Variants in RPA3 observed in about 807,000 individuals in gnomAD.
RPA3 encodes the protein replication protein A3, also known as replication protein A 14 kDa subunit.
In RPA3, 24 loss-of-function variants were observed where a neutral mutation model predicts 13.7. That is an observed-to-expected ratio of 1.75 (90% CI 1.27 to 2.46). The LOEUF (loss-of-function observed/expected upper bound fraction) is 2.46, where lower values mean the gene tolerates loss of function less well. Among genes scored for constraint, RPA3 ranks in the 30% most tolerant of loss-of-function variants. The pLI is 0.00. For synonymous variants in RPA3, 59 were observed against 51.2 expected (o/e 1.15, Z -0.65); for missense variants, 183 against 151.0 (o/e 1.21, Z -1.11).
chr7:7,667,003 T>A (rs142242362), intron 4 of RPA3, among the ~76,000 whole-genome samples: 2,628 of 152,310 alleles, frequency 0.017, 78 homozygotes, highest in African/African-American at 0.06. Context: ...AGATGGGGTT[T>A]CACCTTGTTG....
chr7:7,702,992 G>A (rs1368598834), intron 2 of RPA3, among the ~76,000 whole-genome samples: 1 of 152,182 alleles, frequency 6.6e-6, no homozygotes, highest in African/African-American at 2.4e-5. Flanking sequence ...GCTCCTTGAA[G>A]CCATGCGAGC....
intron 4 of RPA3, among the ~76,000 whole-genome samples, chr7:7,679,805 T>C (rs1779862576): frequency 6.6e-6 from 1 of 150,902 alleles, no homozygotes; most frequent in Non-Finnish European, 1.5e-5. Flanking sequence ...GCTCAAGCCA[T>C]CTTCCTGCCT....
intron 4 of RPA3, among the ~76,000 whole-genome samples, chr7:7,657,298 C>T (rs1785366893): frequency 6.6e-6 from 1 of 152,150 alleles, no homozygotes. Flanking sequence ...TTTTGCTGTG[C>T]AGAAGCTCTT....
At chr7:7,715,399 T>G (rs569369128) in intron 1 of RPA3, among the ~76,000 whole-genome samples, 173 bp from the exon 2 acceptor site, 43 of 152,332 alleles carry the variant, frequency 2.8e-4, no homozygotes, top group South Asian at 1.0e-3. Flanking sequence ...AATCTGAAAC[T>G]CAAAGCTACT....
At chr7:7,688,548 G>A (rs1780093535) in intron 2 of RPA3, among the ~76,000 whole-genome samples, 1 of 152,126 alleles carries the variant, frequency 6.6e-6, no homozygotes, top group Non-Finnish European at 1.5e-5. Context: ...CGTGTTCAGT[G>A]TCAAGATCTC....
intron 1 of RPA3, among the ~76,000 whole-genome samples, chr7:7,716,238 T>C (rs17482123): frequency 0.083 from 12,592 of 152,224 alleles, 613 homozygotes; most frequent in Non-Finnish European, 0.098. Flanking sequence ...GAATAACAGC[T>C]TGAATCAGGA....
At chr7:7,648,928 G>C (rs1259408609) in intron 4 of RPA3, among the ~76,000 whole-genome samples, 1 of 152,068 alleles carries the variant, frequency 6.6e-6, no homozygotes, top group African/African-American at 2.4e-5. Flanking sequence ...GGAGGCCGAG[G>C]TGGGTGGATC....
At chr7:7,705,427 G>T (rs1430866192) in intron 2 of RPA3, among the ~76,000 whole-genome samples, 1 of 152,170 alleles carries the variant, frequency 6.6e-6, no homozygotes, top group Non-Finnish European at 1.5e-5. Context: ...TAACTATGTA[G>T]GTTTAAGTTA....
At chr7:7,672,955 A>AT (rs1192767259) in intron 4 of RPA3, among the ~76,000 whole-genome samples, 2 of 151,928 alleles carry the variant, frequency 1.3e-5, no homozygotes, top group Admixed American at 6.6e-5. Flanking sequence ...TGTTTATTTT[A>AT]TTTTTTCCTA....
intron 4 of RPA3, among the ~76,000 whole-genome samples, chr7:7,654,919 T>A (rs867655510): frequency 1.3e-3 from 186 of 139,280 alleles, no homozygotes; most frequent in African/African-American, 4.0e-3. Flanking sequence ...AAAAAAAAAA[T>A]TTGTGATATT....
At chr7:7,699,446 C>A (rs1201722422) in intron 2 of RPA3, among the ~76,000 whole-genome samples, 1 of 152,040 alleles carries the variant, frequency 6.6e-6, no homozygotes, top group African/African-American at 2.4e-5. Flanking sequence ...TTTTTACTTA[C>A]ACTAAAATAG....
chr7:7,701,429 G>A (rs1218729012), intron 2 of RPA3, among the ~76,000 whole-genome samples: 1 of 152,112 alleles, frequency 6.6e-6, no homozygotes, highest in Non-Finnish European at 1.5e-5. Flanking sequence ...TAGTAATACT[G>A]GAACTGTCCT....
At chr7:7,651,931 C>T (rs189588559) in intron 4 of RPA3, among the ~76,000 whole-genome samples, 2 of 152,282 alleles carry the variant, frequency 1.3e-5, no homozygotes, top group African/African-American at 4.8e-5. Flanking sequence ...CAGTTACACA[C>T]CATTCAAACC....
At chr7:7,690,333 C>T (rs1689384005) in intron 2 of RPA3, among the ~76,000 whole-genome samples, 3 of 151,850 alleles carry the variant, frequency 2.0e-5, no homozygotes, top group African/African-American at 7.3e-5. Context: ...GTATATGTTT[C>T]CTTTTACCAT....
At chr7:7,669,067 C>T (rs892523677) in intron 4 of RPA3, among the ~76,000 whole-genome samples, 1 of 132,510 alleles carries the variant, frequency 7.5e-6, no homozygotes, top group Non-Finnish European at 1.6e-5. Flanking sequence ...TAGACAGTGG[C>T]CCCAGCTGGG....
intron 4 of RPA3, among the ~76,000 whole-genome samples, chr7:7,675,008 T>C (rs1190443664): frequency 6.6e-6 from 1 of 152,004 alleles, no homozygotes; most frequent in African/African-American, 2.4e-5. Context: ...TTATTATATA[T>C]GTATTTAAAA....
intron 4 of RPA3, among the ~76,000 whole-genome samples, chr7:7,642,196 A>C (rs1784989489): frequency 1.3e-5 from 2 of 152,152 alleles, no homozygotes. Context: ...GTGCAGTAGC[A>C]TGCACATAGC....
intron 2 of RPA3, among the ~76,000 whole-genome samples, chr7:7,714,770 G>A (rs1398935276): frequency 2.0e-5 from 3 of 152,056 alleles, no homozygotes; most frequent in African/African-American, 7.3e-5. Context: ...TGGAAGCTGG[G>A]AGAAAGTCAG....
At chr7:7,648,646 T>C (rs778408641) in intron 4 of RPA3, among the ~76,000 whole-genome samples, 112 of 150,786 alleles carry the variant, frequency 7.4e-4, no homozygotes, top group Non-Finnish European at 7.1e-4. Context: ...AATTCAGGAG[T>C]TCGAGACAAG....
Sources: gnomAD v4.1 joint callset for allele counts (sites outside exome capture counted in the v4.1 genomes callset) on GRCh38, gnomAD v4.1.1 for gene constraint, MANE v1.5 for transcripts, NCBI Gene and HGNC (gene_info 2026-07-23, HGNC 2026-07-21) for gene names.